ETV7: variants seen among roughly 807,000 people sequenced by gnomAD.
ETV7 encodes the protein transcription factor ETV7.
Under a neutral mutation model 39.1 loss-of-function variants are expected in ETV7, and 43 were observed. The observed-to-expected ratio is 1.10, with a 90% CI of 0.86 to 1.42. The LOEUF is 1.42. ETV7 is among the 40% of genes most tolerant of loss of function. The pLI is 0.00. For missense variants in ETV7, 432 were observed against 442.3 expected (o/e 0.98, Z 0.21); for synonymous variants, 196 against 176.6 (o/e 1.11, Z -0.87).
intron 7 of ETV7, among the ~76,000 whole-genome samples, chr6:36,357,844 C>T (rs1267657285): frequency 6.6e-6 from 1 of 152,128 alleles, no homozygotes; most frequent in Non-Finnish European, 1.5e-5. Flanking sequence ...TACCACTGCA[C>T]TCCAGCCCAG....
intron 5 of ETV7, among the ~76,000 whole-genome samples, chr6:36,370,035 C>G (rs1224159592): frequency 6.6e-6 from 1 of 152,124 alleles, no homozygotes; most frequent in East Asian, 1.9e-4. Flanking sequence ...AGTCAGGGTA[C>G]TTAGGGCATC....
downstream of ETV7, among the ~76,000 whole-genome samples, chr6:36,365,258 G>T (rs1196756559): frequency 1.3e-5 from 2 of 152,212 alleles, no homozygotes; most frequent in Non-Finnish European, 2.9e-5. Flanking sequence ...GCCCCAATCA[G>T]TACTTGGGGC....
chr6:36,363,219 G>A (rs570353717), downstream of ETV7, among the ~76,000 whole-genome samples: 2 of 152,232 alleles, frequency 1.3e-5, no homozygotes, highest in African/African-American at 2.4e-5. Context: ...CAGCTCTTCA[G>A]GTGGCGCATC....
At chr6:36,376,160 C>T in intron 2 of ETV7, 125 bp from the exon 3 acceptor site, 1 of 781,344 alleles carries the variant, frequency 1.3e-6, no homozygotes, top group East Asian at 2.7e-5. Flanking sequence ...TCTTCTGTCG[C>T]TGCCACCTGT....
chr6:36,363,711 C>T (rs1462899920), downstream of ETV7, among the ~76,000 whole-genome samples: 1 of 152,178 alleles, frequency 6.6e-6, no homozygotes, highest in Non-Finnish European at 1.5e-5. Flanking sequence ...TCTGTTTTGA[C>T]AGGGTGCTGA....
At chr6:36,383,459 C>T (rs1265237697) in intron 2 of ETV7, among the ~76,000 whole-genome samples, 1 of 152,180 alleles carries the variant, frequency 6.6e-6, no homozygotes, top group African/African-American at 2.4e-5. Flanking sequence ...TTAGCATCAA[C>T]TCACAAGGCT....
intron 2 of ETV7, among the ~76,000 whole-genome samples, chr6:36,382,024 A>G (rs1773680101): frequency 6.6e-6 from 1 of 152,158 alleles, no homozygotes; most frequent in Admixed American, 6.5e-5. Flanking sequence ...CAGTACTCAC[A>G]CGTTCCAGTG....
In ETV7 at chr6:36,373,527, A is replaced by G; in HGVS notation, c.359T>C (p.Leu120Pro). The part of the protein sequence containing the change: ...LQYIKTQRRA[L>P]VCGPFFGGIF... ...CCCTCCAAAAAAGGGCCCACACACC[A>G]GGGCTCGCCGCTGGGTCTTGATGTA... Residue 120 changes from leucine (L) to proline (P), a missense_variant, in exon 4 of 8, where the codon CTG becomes CCG. Leu to Pro is a moderately conservative substitution (Grantham distance 98). Transcript: ENST00000340181. The G allele has an allele frequency of 7.4e-7, 1 of 1,348,800 alleles. No homozygotes were observed. The highest frequency in any genetic ancestry group is 9.8e-7 in the Non-Finnish European group (1 of 1,022,442). The allele number at this position is 1,348,800 out of a possible 1,614,324, so 83.6% of individuals were successfully genotyped here.
At chr6:36,384,757 CA>C (rs1255060450) in intron 2 of ETV7, among the ~76,000 whole-genome samples, 2 of 151,964 alleles carry the variant, frequency 1.3e-5, no homozygotes, top group East Asian at 3.9e-4. Context: ...GGTGTGGTGG[CA>C]CACACCTGTA....
At chr6:36,368,875 C>T (rs1411235850) in intron 6 of ETV7, 54 bp downstream of exon 6, 6 of 1,612,636 alleles carry the variant, frequency 3.7e-6, no homozygotes, top group East Asian at 4.5e-5. Flanking sequence ...ACTCTGACCC[C>T]CAACTCTGTC....
At chr6:36,379,604 G>A (rs1480382260) in intron 2 of ETV7, among the ~76,000 whole-genome samples, 6 of 151,442 alleles carry the variant, frequency 4.0e-5, no homozygotes, top group Admixed American at 1.3e-4. Flanking sequence ...AAGGCCGGGC[G>A]TGGTGGCTCA....
At chr6:36,363,613 A>C (rs1772607745), downstream of ETV7, among the ~76,000 whole-genome samples, 1 of 152,252 alleles carries the variant, frequency 6.6e-6, no homozygotes, top group Admixed American at 6.5e-5. Flanking sequence ...AGGGGACCAG[A>C]ACGGGTTGCC....
At chr6:36,354,492 C>T (rs1435988466) in exon 8 of ETV7, 5 of 529,022 alleles carry the variant, frequency 9.5e-6, no homozygotes, top group African/African-American at 1.9e-5. Flanking sequence ...TGTCCCAACA[C>T]TATTTGTTGA....
rs115997307 is a variant in ETV7, at chr6:36,369,891, T to C, written c.665-820A>G. Among the ~76,000 whole-genome samples, 849 of 147,252 alleles carry C rather than the reference T, an allele frequency of 5.8e-3. 4 individuals are homozygous for C. The highest frequency in any genetic ancestry group is 0.02 in the African/African-American group (793 of 39,020). On this transcript the variant is annotated intron_variant, in intron 5 of 7. Coordinates refer to ENST00000340181, the MANE Select transcript of ETV7 (RefSeq NM_016135.4). ...ACTGCACTCCAGCCTGGCAACAGAGTGAGACCCTGTCTCTTAAAAAAAAAA... is the reference window on the plus strand; with the variant it reads ...ACTGCACTCCAGCCTGGCAACAGAGCGAGACCCTGTCTCTTAAAAAAAAAA...
At position 36,366,524 on chromosome 6, in the gene ETV7, A is replaced by C. The variant is rs1287040804; in HGVS notation, c.*121T>G. On this transcript the variant is annotated 3_prime_UTR_variant, in exon 8 of 8. Coordinates refer to ENST00000340181, the MANE Select transcript of ETV7 (RefSeq NM_016135.4). ...CCCAGCCTTCCCAAGCAATGGCTGT[A>C]ATCCTGTGGGTACAGAGTCTGGCTG... 1.3e-6 allele frequency: 2 copies of C among 1,550,290 alleles called. No individual in the cohort carries two copies. The highest frequency in any genetic ancestry group is 1.7e-6 in the Non-Finnish European group (2 of 1,150,266).
intron 7 of ETV7, among the ~76,000 whole-genome samples, chr6:36,357,361 G>C (rs757989641): frequency 3.3e-5 from 5 of 151,342 alleles, no homozygotes; most frequent in African/African-American, 7.4e-5. Flanking sequence ...TCTCCGACCA[G>C]AGAGTTTCTT....
At chr6:36,374,723 C>T (rs573976197) in intron 3 of ETV7, among the ~76,000 whole-genome samples, 2 of 152,132 alleles carry the variant, frequency 1.3e-5, no homozygotes, top group African/African-American at 2.4e-5. Flanking sequence ...CTTAGAGAGA[C>T]GAAAGTTCCA....
intron 1 of ETV7, among the ~76,000 whole-genome samples, chr6:36,386,611 A>G (rs1773913597): frequency 6.6e-6 from 1 of 152,250 alleles, no homozygotes; most frequent in Non-Finnish European, 1.5e-5. Context: ...TAGGATTGTC[A>G]AAAGCTTTAC....
At chr6:36,383,508 C>A (rs1773752474) in intron 2 of ETV7, among the ~76,000 whole-genome samples, 1 of 151,424 alleles carries the variant, frequency 6.6e-6, no homozygotes, top group African/African-American at 2.4e-5. Context: ...CCTGCTGAGG[C>A]AAATCAGTCC....
Sources: gnomAD v4.1 joint callset for allele counts (sites outside exome capture counted in the v4.1 genomes callset) on GRCh38, gnomAD v4.1.1 for gene constraint, MANE v1.5 for transcripts, NCBI Gene and HGNC (gene_info 2026-07-23, HGNC 2026-07-21) for gene names.